Variants in NUTM1 observed in about 807,000 individuals in gnomAD.
NUTM1 encodes the protein NUT midline carcinoma family member 1, also known as NUT family member 1.
In NUTM1, 39 loss-of-function variants were observed where a neutral mutation model predicts 88.7. That is an observed-to-expected ratio of 0.44 (90% CI 0.34 to 0.57). The LOEUF (loss-of-function observed/expected upper bound fraction) is 0.57. Ranked by LOEUF, NUTM1 falls within the 20% of genes least tolerant of loss-of-function variation. The pLI is 0.01. For missense variants in NUTM1, 1,350 were observed against 1,414.5 expected, an observed-to-expected ratio of 0.95 and a Z score of 0.73; for synonymous variants, 494 against 538.0, an observed-to-expected ratio of 0.92 and a Z score of 1.13.
rs779607638 is a variant in NUTM1, at chr15:34,356,544, T to C, written c.2536T>C (p.Ser846Pro). 11 of 1,613,394 alleles carry C rather than the reference T, an allele frequency of 6.8e-6. No homozygotes were observed. Among genetic ancestry groups the C allele is most frequent in the South Asian group, 1.1e-5 (1 of 91,048 alleles). ...GAGGGCCAACAGCCCACCCTTGAGG[T>C]CCAAAGAAAATCAAGAACAGAGCTG... ...PLRANSPPLRSKENQEQSCET... is the reference protein window; with the variant it reads ...PLRANSPPLRPKENQEQSCET... Residue 846 changes from serine to proline, a missense_variant, in exon 8 of 8, where the codon TCC becomes CCC. Physicochemically the swap from Ser to Pro is moderately conservative, Grantham distance 74. Coordinates refer to ENST00000537011, the MANE Select transcript of NUTM1 (RefSeq NM_001284292.2).
At chr15:34,352,184 A>AAGAC (rs1020352867) in intron 4 of NUTM1, among the ~76,000 whole-genome samples, 2 of 152,200 alleles carry the variant, frequency 1.3e-5, no homozygotes, top group Admixed American at 6.5e-5. Context: ...AAAAGAAAGA[A>AAGAC]AGAAAGAAAA....
At position 34,355,618 on chromosome 15, in the gene NUTM1, G is replaced by A. The variant is rs111885943; in HGVS notation, c.1610G>A (p.Arg537Gln). 7.7e-4 allele frequency: 1,249 copies of A among 1,613,218 alleles called. 6 individuals are homozygous for A. In the African/African-American group the frequency reaches 0.013, roughly 17 times the overall value. The change falls in exon 8 of 8, where the codon CGG becomes CAG. Residue 537 changes from arginine to glutamine, a missense_variant. This residue lies in a region of NUTM1 where 126 missense variants were observed against 189.8 expected (regional missense o/e 0.66). Coordinates refer to ENST00000537011, the MANE Select transcript of NUTM1 (RefSeq NM_001284292.2). The surrounding 1 kb of genome is among the most constrained non-coding windows in gnomAD (Gnocchi z 4.3). Reference sequence around the variant, plus strand: ...GATGAAGATGGGGATGGGCGGCTTCGGCCCTCACCTGGGCTTCAGGGGGCT... The same window carrying A: ...GATGAAGATGGGGATGGGCGGCTTCAGCCCTCACCTGGGCTTCAGGGGGCT... ...VEDEDGDGRL[R>Q]PSPGLQGAGG...
In NUTM1 at chr15:34,356,769, C is replaced by T. The variant is rs900935791; in HGVS notation, c.2761C>T (p.Pro921Ser). The change falls in exon 8 of 8, where the codon CCT becomes TCT. Residue 921 changes from proline to serine, a missense_variant. By Grantham distance (74) the Pro-to-Ser change is moderately conservative. This residue lies in a region of NUTM1 where 730 missense variants were observed against 728.8 expected (regional missense o/e 1.00). Coordinates refer to ENST00000537011, the MANE Select transcript of NUTM1 (RefSeq NM_001284292.2). ...EAGSRGNSFS[P>S]LLETIEPVNI... is the part of the protein sequence containing the mutation. ...AGGGAGCAGAGGCAATTCCTTTTCT[C>T]CTCTGTTGGAAACCATAGAACCTGT... is the stretch of plus-strand genomic sequence containing the variant. 3.1e-6 allele frequency: 5 copies of T among 1,612,346 alleles called. No homozygotes were observed. Among genetic ancestry groups the T allele is most frequent in the African/African-American group, 1.3e-5 (1 of 74,420 alleles).
chr15:34,344,817 G>A (rs1397131148), intron 1 of NUTM1, among the ~76,000 whole-genome samples: 3 of 152,076 alleles, frequency 2.0e-5, no homozygotes, highest in Non-Finnish European at 4.4e-5. Context: ...AGGAGATCGA[G>A]ACTATCCTGG....
In NUTM1 at chr15:34,356,566, G is replaced by A. The variant is rs747628529; in HGVS notation, c.2558G>A (p.Ser853Asn). 2 of 1,614,032 alleles carry A rather than the reference G, an allele frequency of 1.2e-6. No homozygotes were observed. The highest frequency in any genetic ancestry group is 3.3e-5 in the Admixed American group (2 of 60,010). The change falls in exon 8 of 8, where the codon AGC becomes AAC. Residue 853 changes from serine (S) to asparagine (N), a missense_variant. Ser to Asn is a conservative substitution (Grantham distance 46). Around this residue, in one of 5 missense-constraint regions of NUTM1, gnomAD observed 730 missense variants for 728.8 expected, o/e 1.00. Coordinates refer to ENST00000537011, the MANE Select transcript of NUTM1 (RefSeq NM_001284292.2). ...PLRSKENQEQ[S>N]CETVGHPSDL... ...AGGTCCAAAGAAAATCAAGAACAGA[G>A]CTGTGAAACCGTAGGGCATCCCAGT...
In NUTM1 at chr15:34,347,619, C is replaced by T. The variant is rs986875336; in HGVS notation, c.101-350C>T. On this transcript the variant is annotated intron_variant, in intron 2 of 7. Coordinates refer to ENST00000537011, the MANE Select transcript of NUTM1 (RefSeq NM_001284292.2). ...CTGTAATCCCAGCACTTTGGGAGGC[C>T]GAAGCAGGCGGATCACAAGGTCAGG... 7.2e-5 allele frequency among the ~76,000 whole-genome samples: 11 copies of T among 152,126 alleles called. No individual in the cohort carries two copies. The South Asian group carries it at 2.1e-3, about 29-fold the overall frequency.
intron 2 of NUTM1, among the ~76,000 whole-genome samples, 199 bp from the exon 3 acceptor site, chr15:34,347,770 A>G (rs536132014): frequency 8.5e-5 from 13 of 152,184 alleles, no homozygotes; most frequent in South Asian, 2.1e-4. Flanking sequence ...GGAGAATGGC[A>G]TGAACCTAGG....
In NUTM1 at chr15:34,348,601, T is replaced by C; in HGVS notation, c.733T>C (p.Trp245Arg). ...GGACGTTTATGAGAACTTCCGTCAG[T>C]GGCAGCGTTACAAAGCCTTGGCCCG... ...SKDVYENFRQ[W>R]QRYKALARRH... Residue 245 changes from tryptophan to arginine, a missense_variant, in exon 3 of 8, where the codon TGG becomes CGG. Trp to Arg is a moderately radical substitution (Grantham distance 101). This residue lies in a region of NUTM1 where 399 missense variants were observed against 397.9 expected (regional missense o/e 1.00). Coordinates refer to ENST00000537011, the MANE Select transcript of NUTM1 (RefSeq NM_001284292.2). The C allele has an allele frequency of 1.2e-6, 2 of 1,612,076 alleles. No homozygotes were observed. The highest frequency in any genetic ancestry group is 1.7e-6 in the Non-Finnish European group (2 of 1,180,016).
Position 34,357,102 on chromosome 15 carries a change from GAGAAAA to G in NUTM1, c.3103_3108del (p.Lys1035_Lys1036del), listed in dbSNP as rs767779854. ...GTCAGCAGACAGGGCCAAAGGAAAG[GAGAAAA>G]AGAAAAAGGAAGCAGAGGAAGAGGA... On this transcript the variant is annotated inframe_deletion, in exon 8 of 8. Coordinates refer to ENST00000537011, the MANE Select transcript of NUTM1 (RefSeq NM_001284292.2). 1.2e-6 allele frequency: 2 copies of G among 1,614,018 alleles called. No individual in the cohort carries two copies. Among genetic ancestry groups the G allele is most frequent in the South Asian group, 1.1e-5 (1 of 91,076 alleles).
chr15:34,357,342 A>C lies in NUTM1; in HGVS notation c.3334A>C (p.Thr1112Pro), dbSNP rs1890837578. Residue 1112 changes from threonine to proline, a missense_variant, in exon 8 of 8, where the codon ACT (threonine) becomes CCT (proline). Transcript: ENST00000537011. ...KRALAGGPAP[T>P]EKTPHSGAQL... ...AGCTCTAGCTGGAGGTCCAGCCCCT[A>C]CTGAAAAGACACCCCACTCAGGAGC... The C allele has an allele frequency of 1.2e-6, 2 of 1,614,016 alleles. No individual in the cohort carries two copies. Among genetic ancestry groups the C allele is most frequent in the Non-Finnish European group, 1.7e-6 (2 of 1,180,022 alleles).
chr15:34,353,089 G>A (rs1890738934), intron 4 of NUTM1, among the ~76,000 whole-genome samples: 1 of 151,778 alleles, frequency 6.6e-6, no homozygotes, highest in South Asian at 2.1e-4. Context: ...GTTTCACTAT[G>A]TTGGCCAGGC....
intron 6 of NUTM1, 75 bp downstream of exon 6, chr15:34,354,807 T>A (rs1890772383): frequency 6.9e-7 from 1 of 1,454,994 alleles, no homozygotes; most frequent in Non-Finnish European, 9.6e-7. Flanking sequence ...GATCTGGGGT[T>A]TGTCCAATGC....
intron 1 of NUTM1, among the ~76,000 whole-genome samples, chr15:34,344,210 A>T (rs184952269): frequency 1.3e-3 from 182 of 136,650 alleles, no homozygotes; most frequent in African/African-American, 4.6e-3. Flanking sequence ...TCCGTCTTAA[A>T]GAAAAAAAAA....
chr15:34,353,434 A>G (rs541524550), intron 4 of NUTM1, among the ~76,000 whole-genome samples: 83 of 152,030 alleles, frequency 5.5e-4, no homozygotes, highest in Admixed American at 8.5e-4. Context: ...GGCTCAAGCA[A>G]TCTGCCCACC....
At position 34,357,378 on chromosome 15, in the gene NUTM1, G is replaced by A. The variant is rs763770018; in HGVS notation, c.3370G>A (p.Val1124Ile). The A allele has an allele frequency of 4.3e-6, 7 of 1,614,200 alleles. No individual in the cohort carries two copies. In the Admixed American group the frequency reaches 1.0e-4, roughly 23 times the overall value. The change falls in exon 8 of 8, where the codon GTC (valine) becomes ATC (isoleucine). Residue 1124 changes from valine (V) to isoleucine (I), a missense_variant. By Grantham distance (29) the Val-to-Ile change is conservative. This residue lies in a region of NUTM1 where 730 missense variants were observed against 728.8 expected (regional missense o/e 1.00). Transcript: ENST00000537011. ...ACCCCACTCAGGAGCTCAACTTGGG[G>A]TCCCCAGGGAGAAACCCCTAGCTCT... is the stretch of plus-strand genomic sequence containing the variant. ...KTPHSGAQLG[V>I]PREKPLALGV...
In NUTM1 at chr15:34,348,446, C is replaced by G. The variant is rs370035281; in HGVS notation, c.578C>G (p.Pro193Arg). Residue 193 changes from proline to arginine, a missense_variant, in exon 3 of 8, where the codon CCA (proline) becomes CGA (arginine). Around this residue, in one of 5 missense-constraint regions of NUTM1, gnomAD observed 399 missense variants for 397.9 expected, o/e 1.00. Transcript: ENST00000537011. ...PPGLPPQPPPPVAQLVPIVPL... is the reference protein window; with the variant it reads ...PPGLPPQPPPRVAQLVPIVPL... ...GGCCTTCCGCCTCAGCCTCCACCAC[C>G]AGTTGCTCAACTGGTCCCCATTGTG... 38 of 1,614,138 alleles carry G rather than the reference C, an allele frequency of 2.4e-5. No homozygotes were observed. The South Asian group carries it at 3.0e-4, about 13-fold the overall frequency.
At position 34,348,558 on chromosome 15, in the gene NUTM1, C is replaced by T. The variant is rs1375286071; in HGVS notation, c.690C>T (p.Asp230=). Residue 230 remains aspartate, a synonymous_variant, in exon 3 of 8, where the codon GAC becomes GAT. Transcript: ENST00000537011. ...VATLSKPSLG[D]RSKISKDVYE... ...CTCTATCCAAGCCTTCCCTAGGTGA[C>T]CGCTCCAAAATTTCCAAGGACGTTT... is the stretch of plus-strand genomic sequence containing the variant. The T allele has an allele frequency of 5.0e-6, 8 of 1,613,950 alleles. No homozygotes were observed. The highest frequency in any genetic ancestry group is 6.8e-6 in the Non-Finnish European group (8 of 1,180,022).
At chr15:34,348,703 T>TA in intron 3 of NUTM1, 26 bp downstream of exon 3, 1 of 1,494,482 alleles carries the variant, frequency 6.7e-7, no homozygotes, top group Non-Finnish European at 9.2e-7. Context: ...GGAGATTAAT[T>TA]ATTCTAGGGC....
chr15:34,344,285 G>A (rs1212323599), intron 1 of NUTM1, among the ~76,000 whole-genome samples: 7 of 149,794 alleles, frequency 4.7e-5, no homozygotes, highest in African/African-American at 1.7e-4. Context: ...GGCTGAGACG[G>A]GTGGATCACA....
Sources: allele counts gnomAD v4.1 joint callset (sites outside exome capture counted in the v4.1 genomes callset), GRCh38; gene constraint gnomAD v4.1.1; regional missense constraint gnomAD v4.1.1; non-coding constraint Gnocchi (gnomAD v3.1); transcripts MANE v1.5; gene names NCBI Gene and HGNC (gene_info 2026-07-23, HGNC 2026-07-21).